The following FOXP2 variants were observed in gnomAD, a reference collection of about 807,000 sequenced individuals.
FOXP2 encodes forkhead box protein P2.
Under a neutral mutation model 115.8 loss-of-function variants are expected in FOXP2, and 12 were observed. The ratio of observed to expected loss-of-function variants is 0.10; its 90% CI spans 0.07 to 0.17. The LOEUF is 0.17. Ranked by LOEUF, FOXP2 falls within the 10% of genes least tolerant of loss-of-function variation. The pLI is 1.00. For missense variants in FOXP2, 629 were observed against 843.5 expected (o/e 0.75, Z 3.15); for synonymous variants, 328 against 297.7 (o/e 1.10, Z -1.05).
chr7:114,339,651 T>C (rs1156987516), intron 2 of FOXP2, among the ~76,000 whole-genome samples: 1 of 151,026 alleles, frequency 6.6e-6, no homozygotes, highest in African/African-American at 2.4e-5. Context: ...TTCTCCAGTA[T>C]CAAATCCTTG....
chr7:114,443,002 G>A (rs1229770590), intron 2 of FOXP2, among the ~76,000 whole-genome samples: 1 of 152,106 alleles, frequency 6.6e-6, no homozygotes, highest in Non-Finnish European at 1.5e-5. Context: ...AATATCAGAA[G>A]AGCAAAGAAC....
intron 3 of FOXP2, among the ~76,000 whole-genome samples, chr7:114,614,327 A>T (rs1183163807): frequency 1.3e-5 from 2 of 152,190 alleles, no homozygotes; most frequent in Non-Finnish European, 2.9e-5. Flanking sequence ...TATGTAAAAG[A>T]GATATTTTCT....
At chr7:114,196,941 C>T (rs932688968) in intron 1 of FOXP2, among the ~76,000 whole-genome samples, 4 of 152,166 alleles carry the variant, frequency 2.6e-5, no homozygotes, top group Non-Finnish European at 4.4e-5. Flanking sequence ...CCTATAATCC[C>T]AGCATTTTGA....
chr7:114,314,313 A>G (rs1174682407), intron 2 of FOXP2, among the ~76,000 whole-genome samples: 2 of 151,426 alleles, frequency 1.3e-5, no homozygotes, highest in South Asian at 2.1e-4. Flanking sequence ...GTTGACAGAT[A>G]TAACTGTAAA....
chr7:114,558,453 A>G (rs1256277173), intron 3 of FOXP2, among the ~76,000 whole-genome samples: 1 of 152,050 alleles, frequency 6.6e-6, no homozygotes, highest in East Asian at 1.9e-4. Flanking sequence ...CACAAAAGCC[A>G]CTTTGCTTTA....
chr7:114,273,860 A>G (rs1796121580), intron 1 of FOXP2, among the ~76,000 whole-genome samples: 1 of 152,066 alleles, frequency 6.6e-6, no homozygotes, highest in African/African-American at 2.4e-5. Flanking sequence ...TGTAGACAAC[A>G]AATAATTTGA....
At chr7:114,642,812 A>ATATATATATATTTT (rs1308357594) in intron 7 of FOXP2, among the ~76,000 whole-genome samples, 189 bp downstream of exon 7, 4 of 72,430 alleles carry the variant, frequency 5.5e-5, no homozygotes, top group South Asian at 1.1e-3. Context: ...ATATATATAT[A>ATATATATATATTTT]TTTTTTTTTT....
chr7:114,542,106 C>T (rs1326717928), intron 3 of FOXP2, among the ~76,000 whole-genome samples: 1 of 152,048 alleles, frequency 6.6e-6, no homozygotes, highest in Non-Finnish European at 1.5e-5. Context: ...AACCCACCTT[C>T]CACATTTCTA....
At chr7:114,325,203 A>G (rs1312411155) in intron 2 of FOXP2, among the ~76,000 whole-genome samples, 2 of 151,912 alleles carry the variant, frequency 1.3e-5, no homozygotes, top group East Asian at 1.9e-4. Context: ...AGGAGGATCA[A>G]AACACTGGAC....
chr7:114,259,198 C>T (rs1343700643), intron 1 of FOXP2, among the ~76,000 whole-genome samples: 4 of 152,026 alleles, frequency 2.6e-5, no homozygotes, highest in Admixed American at 2.6e-4. Flanking sequence ...AAATGAGGTG[C>T]AAAAGTTATT....
rs1411200949 is a variant in FOXP2 at position 114,321,848 on chromosome 7, A to G, written c.-11+33739A>G. 4.6e-5 allele frequency among the ~76,000 whole-genome samples: 7 copies of G among 152,146 alleles called. No homozygotes were observed. In the East Asian group the frequency reaches 5.8e-4, roughly 13 times the overall value. ...ATTTTCAAAGTAAATACTTTTATTT[A>G]CAGTTTGTATATGAGAAAGCTTAGA... On this transcript the variant is annotated intron_variant, in intron 2 of 17. Coordinates refer to the FOXP2 transcript ENST00000634411.
At chr7:114,521,440 G>A (rs1173175265) in intron 2 of FOXP2, among the ~76,000 whole-genome samples, 4 of 149,830 alleles carry the variant, frequency 2.7e-5, no homozygotes, top group African/African-American at 9.9e-5. Context: ...GCCTGAAGCA[G>A]GAAGCTTGCA....
intron 1 of FOXP2, among the ~76,000 whole-genome samples, chr7:114,156,793 C>A (rs1792683509): frequency 6.6e-6 from 1 of 151,920 alleles, no homozygotes; most frequent in Non-Finnish European, 1.5e-5. Context: ...ATGTAGTGGG[C>A]CTTAGGAAAG....
At chr7:114,114,558 A>G (rs575506466) in intron 1 of FOXP2, among the ~76,000 whole-genome samples, 2 of 152,142 alleles carry the variant, frequency 1.3e-5, no homozygotes, top group East Asian at 3.9e-4. Flanking sequence ...ACAAGTGCAG[A>G]TTTCTGTTTG....
chr7:114,587,638 A>C (rs1253598252), intron 3 of FOXP2, among the ~76,000 whole-genome samples: 1 of 151,960 alleles, frequency 6.6e-6, no homozygotes, highest in East Asian at 1.9e-4. Context: ...ACACATAAAA[A>C]TGTAGTAATT....
chr7:114,327,308 A>ATGAG (rs1236501392), intron 2 of FOXP2, among the ~76,000 whole-genome samples: 1 of 152,208 alleles, frequency 6.6e-6, no homozygotes, highest in African/African-American at 2.4e-5. Context: ...GAATGAATGA[A>ATGAG]TGAGTGAATG....
chr7:114,391,652 A>C (rs974170785), intron 2 of FOXP2, among the ~76,000 whole-genome samples: 1 of 152,222 alleles, frequency 6.6e-6, no homozygotes, highest in African/African-American at 2.4e-5. Flanking sequence ...ACAAATACTA[A>C]CTTAACATAT....
intron 1 of FOXP2, among the ~76,000 whole-genome samples, chr7:114,164,635 C>T (rs182877087): frequency 1.8e-3 from 271 of 152,110 alleles, no homozygotes; most frequent in African/African-American, 6.2e-3. Flanking sequence ...CCACCGTGCC[C>T]GGCCCAAAAC....
chr7:114,381,556 G>T (rs1005166099), intron 2 of FOXP2, among the ~76,000 whole-genome samples: 3 of 152,204 alleles, frequency 2.0e-5, no homozygotes, highest in Non-Finnish European at 4.4e-5. Flanking sequence ...AGAATTGAGA[G>T]TCAGGATGTA....
Sources: gnomAD v4.1 joint callset for allele counts (sites outside exome capture counted in the v4.1 genomes callset) on GRCh38, gnomAD v4.1.1 for gene constraint, MANE v1.5 for transcripts, NCBI Gene and HGNC (gene_info 2026-07-23, HGNC 2026-07-21) for gene names.